The following MARCHF11 variants were observed in gnomAD, a reference collection of about 807,000 sequenced individuals.
MARCHF11 encodes membrane associated ring-CH-type finger 11, also known as E3 ubiquitin-protein ligase MARCHF11.
Under a neutral mutation model 37.3 loss-of-function variants are expected in MARCHF11, and 29 were observed. That is an observed-to-expected ratio of 0.78 (90% CI 0.58 to 1.06). The LOEUF (loss-of-function observed/expected upper bound fraction) is 1.06. MARCHF11 is among the 50% of genes least tolerant of loss of function. The pLI is 0.00. For synonymous variants in MARCHF11, 233 were observed against 228.0 expected, an observed-to-expected ratio of 1.02 and a Z score of -0.20; for missense variants, 482 against 533.4, an observed-to-expected ratio of 0.90 and a Z score of 0.95.
At chr5:16,143,622 G>C (rs1737753971) in intron 2 of MARCHF11, among the ~76,000 whole-genome samples, 1 of 152,244 alleles carries the variant, frequency 6.6e-6, no homozygotes, top group African/African-American at 2.4e-5. Context: ...GCCCTGGCCT[G>C]CATTCCAACT....
chr5:16,081,604 C>T lies in MARCHF11; in HGVS notation c.886+9285G>A, dbSNP rs147247233. Reference sequence around the variant, plus strand: ...ATCCCGCACTCCAGGCTCAGCACCACGGTAAATACGCAATGAATATTGGCT... The same window carrying T: ...ATCCCGCACTCCAGGCTCAGCACCATGGTAAATACGCAATGAATATTGGCT... On this transcript the variant is annotated intron_variant, in intron 3 of 3. Coordinates refer to ENST00000332432, the MANE Select transcript of MARCHF11 (RefSeq NM_001102562.3). 2.9e-3 allele frequency among the ~76,000 whole-genome samples: 448 copies of T among 152,302 alleles called. 5 individuals carry two copies. The highest frequency in any genetic ancestry group is 9.3e-3 in the African/African-American group (386 of 41,568).
intron 2 of MARCHF11, among the ~76,000 whole-genome samples, chr5:16,123,765 C>T (rs1737353159): frequency 6.6e-6 from 1 of 152,138 alleles, no homozygotes; most frequent in Non-Finnish European, 1.5e-5. Context: ...CAGTGTTCAG[C>T]AGAATTTGCA....
chr5:16,121,567 C>T (rs1348807324), intron 2 of MARCHF11, among the ~76,000 whole-genome samples: 1 of 152,148 alleles, frequency 6.6e-6, no homozygotes, highest in African/African-American at 2.4e-5. Flanking sequence ...ACTCTAGATT[C>T]GTTAGTGACA....
intron 2 of MARCHF11, among the ~76,000 whole-genome samples, chr5:16,121,380 T>A (rs1255205524): frequency 1.3e-5 from 2 of 152,242 alleles, no homozygotes; most frequent in East Asian, 3.8e-4. Flanking sequence ...TTTCGTTTTA[T>A]TCATCCCTAT....
At chr5:16,078,062 T>C (rs552593187) in intron 3 of MARCHF11, among the ~76,000 whole-genome samples, 17 of 152,384 alleles carry the variant, frequency 1.1e-4, no homozygotes, top group African/African-American at 4.1e-4. Flanking sequence ...ATTGTTTATA[T>C]AGAAAACATT....
chr5:16,086,819 C>T (rs907864295), intron 3 of MARCHF11, among the ~76,000 whole-genome samples: 2 of 152,216 alleles, frequency 1.3e-5, no homozygotes, highest in Admixed American at 6.5e-5. Flanking sequence ...GTGGCACTAG[C>T]TTCCCTTGAA....
intron 2 of MARCHF11, among the ~76,000 whole-genome samples, chr5:16,151,648 A>AGTGTGT (rs756908947): frequency 5.9e-4 from 16 of 27,252 alleles, no homozygotes; most frequent in South Asian, 5.3e-3. Context: ...GCGTGAGTTG[A>AGTGTGT]ATGTGTGTGT....
chr5:16,091,965 C>A lies in MARCHF11; in HGVS notation c.694-884G>T, dbSNP rs150068611. Among the ~76,000 whole-genome samples the A allele has an allele frequency of 5.9e-5, 9 of 152,276 alleles. No individual in the cohort carries two copies. The East Asian group carries it at 1.7e-3, about 29-fold the overall frequency. On this transcript the variant is annotated intron_variant, in intron 2 of 3. Transcript: ENST00000332432. The stretch of plus-strand genomic sequence containing the variant: ...AGTAAACCATGAAACTCAAAACAAC[C>A]CGCATAATTTACTCATCCTGTGTGG...
intron 2 of MARCHF11, among the ~76,000 whole-genome samples, chr5:16,098,542 T>C (rs931812100): frequency 4.0e-5 from 6 of 151,884 alleles, no homozygotes; most frequent in Non-Finnish European, 2.9e-5. Flanking sequence ...CAGAGGCAGG[T>C]GGATCACCTG....
At chr5:16,071,190 C>T (rs1206130001) in intron 3 of MARCHF11, among the ~76,000 whole-genome samples, 9 of 152,170 alleles carry the variant, frequency 5.9e-5, no homozygotes. Context: ...TCATCTGAGT[C>T]ACTAAGCTTA....
At chr5:16,105,017 C>T (rs772521435) in intron 2 of MARCHF11, among the ~76,000 whole-genome samples, 8 of 152,192 alleles carry the variant, frequency 5.3e-5, no homozygotes, top group African/African-American at 9.7e-5. Context: ...GGTAACAGAG[C>T]GCTAACTGAT....
At chr5:16,168,921 A>G (rs759841721) in intron 2 of MARCHF11, among the ~76,000 whole-genome samples, 1 of 152,146 alleles carries the variant, frequency 6.6e-6, no homozygotes, top group Non-Finnish European at 1.5e-5. Flanking sequence ...AATATAACAT[A>G]GGAAACAAGT....
rs959915845 is a variant in MARCHF11, at chr5:16,115,879, G to A, written c.694-24798C>T. Among the ~76,000 whole-genome samples the A allele has an allele frequency of 3.9e-5, 6 of 152,002 alleles. No individual in the cohort carries two copies. In the East Asian group the frequency reaches 1.2e-3, roughly 29 times the overall value. The stretch of plus-strand genomic sequence containing the variant: ...TGACCTCAGGTGATCCACCTGCCTC[G>A]GCCTCCCAAAGTGCTAGGATTACAG... On this transcript the variant is annotated intron_variant, in intron 2 of 3. Transcript: ENST00000332432.
At position 16,067,810 on chromosome 5, in the gene MARCHF11, TAAAA is replaced by T. The variant is rs1560965102; in HGVS notation, c.887-21_887-18del. The T allele has an allele frequency of 6.3e-7, 1 of 1,588,328 alleles. No homozygotes were observed. Reference sequence around the variant, plus strand: ...CAATGAGACCTAAAATTTGAGAAAATAAAAAACCAAAAAGACTGGTGATAATCCA... The same window carrying T: ...CAATGAGACCTAAAATTTGAGAAAATAACCAAAAAGACTGGTGATAATCCA... On this transcript the variant is annotated intron_variant, in intron 3 of 3. Coordinates refer to ENST00000332432, the MANE Select transcript of MARCHF11 (RefSeq NM_001102562.3).
In MARCHF11 at chr5:16,090,965, A is replaced by T; in HGVS notation, c.810T>A (p.Tyr270Ter). The change falls in exon 3 of 4, where the codon TAT (tyrosine) becomes TAA (stop). Residue 270 changes from tyrosine (Y) to a stop codon, truncating the protein, a stop_gained. Coordinates refer to ENST00000332432, the MANE Select transcript of MARCHF11 (RefSeq NM_001102562.3). LOFTEE classifies it high-confidence loss of function. ...GGATGTCCTTCCTCTGCCACACTGC[A>T]TAGGGGCTGAAGGCTGACCAGAGGA... is the stretch of plus-strand genomic sequence containing the variant. Reference protein sequence around the residue: ...TWLLWSAFSPYAVWQRKDILF... With the variant: ...TWLLWSAFSP 5.0e-6 allele frequency: 8 copies of T among 1,612,300 alleles called. No homozygotes were observed. The highest frequency in any genetic ancestry group is 6.8e-6 in the Non-Finnish European group (8 of 1,179,604).
At chr5:16,095,912 C>A (rs1334800677) in intron 2 of MARCHF11, among the ~76,000 whole-genome samples, 1 of 152,212 alleles carries the variant, frequency 6.6e-6, no homozygotes, top group East Asian at 1.9e-4. Context: ...GCTGGAAATA[C>A]ACGGAATTCT....
intron 2 of MARCHF11, among the ~76,000 whole-genome samples, chr5:16,164,750 T>C (rs1003065819): frequency 6.6e-6 from 1 of 152,096 alleles, no homozygotes; most frequent in African/African-American, 2.4e-5. Context: ...TAAAAACCTA[T>C]TGCTTCTACT....
At chr5:16,173,206 G>A (rs1738300487) in intron 2 of MARCHF11, among the ~76,000 whole-genome samples, 5 of 152,312 alleles carry the variant, frequency 3.3e-5, no homozygotes. Context: ...AAAGGAGGAA[G>A]AAGGAAAGTT....
rs574677874 is a variant in MARCHF11, at chr5:16,173,399, G to A, written c.693+4327C>T. Among the ~76,000 whole-genome samples, 4 of 152,294 alleles carry A rather than the reference G, an allele frequency of 2.6e-5. No individual in the cohort carries two copies. The South Asian group carries it at 6.2e-4, about 24-fold the overall frequency. Reference sequence around the variant, plus strand: ...GTATGGCTGCCTGACCTTGAATAGTGCTGTCCTGTGCTTGGCCACATTTAA... The same window carrying A: ...GTATGGCTGCCTGACCTTGAATAGTACTGTCCTGTGCTTGGCCACATTTAA... On this transcript the variant is annotated intron_variant, in intron 2 of 3. Transcript: ENST00000332432.
Sources: gnomAD v4.1 joint callset for allele counts (sites outside exome capture counted in the v4.1 genomes callset) on GRCh38, gnomAD v4.1.1 for gene constraint, MANE v1.5 for transcripts, NCBI Gene and HGNC (gene_info 2026-07-23, HGNC 2026-07-21) for gene names.